CUX1: variants seen among roughly 807,000 people sequenced by gnomAD.
The protein encoded by CUX1 is cut like homeobox 1, also known as protein CASP.
A neutral mutation model predicts 158.8 loss-of-function variants in CUX1; 31 were observed. That is an observed-to-expected ratio of 0.20 (90% confidence interval 0.15 to 0.26). The LOEUF (loss-of-function observed/expected upper bound fraction) is 0.26. Among genes scored for constraint, CUX1 ranks in the 10% least tolerant of loss-of-function variants. The pLI, the probability that CUX1 is intolerant of heterozygous loss-of-function variation, is 1.00. For synonymous variants in CUX1, 879 were observed against 862.1 expected (o/e 1.02, Z -0.34); for missense variants, 1,589 against 2,014.6 (o/e 0.79, Z 4.04).
intron 9 of CUX1, among the ~76,000 whole-genome samples, chr7:102,158,961 C>A (rs782272882): frequency 1.1e-4 from 17 of 151,878 alleles, no homozygotes; most frequent in African/African-American, 3.6e-4. Context: ...GAATTATCCT[C>A]GGAGAGTTCC....
At chr7:101,905,851 C>G (rs1802692164) in intron 1 of CUX1, among the ~76,000 whole-genome samples, 1 of 152,068 alleles carries the variant, frequency 6.6e-6, no homozygotes. Context: ...TATTTTCTTT[C>G]TTTCTTTTTA....
chr7:102,026,189 A>C lies in CUX1; in HGVS notation c.142-1909A>C, dbSNP rs543908935. Among the ~76,000 whole-genome samples, 5 of 152,104 alleles carry C rather than the reference A, an allele frequency of 3.3e-5. No homozygotes were observed. The South Asian group carries it at 1.0e-3, about 32-fold the overall frequency. Reference sequence around the variant, plus strand: ...GCAAGACCCTGTCTCAAAAAAACAAAAGCTTGCTGTACAGGCCTGTCCTGT... The same window carrying C: ...GCAAGACCCTGTCTCAAAAAAACAACAGCTTGCTGTACAGGCCTGTCCTGT... On this transcript the variant is annotated intron_variant, in intron 2 of 23. Coordinates refer to ENST00000292535, the MANE Select transcript of CUX1 (RefSeq NM_181552.4).
chr7:102,024,014 C>G (rs1487331594), intron 2 of CUX1, among the ~76,000 whole-genome samples: 1 of 152,266 alleles, frequency 6.6e-6, no homozygotes, highest in African/African-American at 2.4e-5. Context: ...TTCTGCCTTT[C>G]TGGAATGCTG....
intron 2 of CUX1, among the ~76,000 whole-genome samples, chr7:102,021,014 C>G (rs369399764): frequency 6.6e-6 from 1 of 152,098 alleles, no homozygotes; most frequent in East Asian, 1.9e-4. Context: ...AGGGCCAGGT[C>G]CCTAAGGGTC....
intron 2 of CUX1, among the ~76,000 whole-genome samples, chr7:102,020,488 C>T (rs936015250): frequency 1.3e-5 from 2 of 152,222 alleles, no homozygotes; most frequent in Non-Finnish European, 2.9e-5. Context: ...GGAAACTTAA[C>T]AGCTATCTAA....
intron 10 of CUX1, 98 bp from the exon 11 acceptor site, chr7:102,178,371 G>T (rs1554512629): frequency 1.7e-6 from 2 of 1,184,778 alleles, no homozygotes. Flanking sequence ...TCCACACACT[G>T]ACATCTGTGC....
At chr7:101,986,719 G>A (rs1814350948) in intron 2 of CUX1, among the ~76,000 whole-genome samples, 1 of 152,222 alleles carries the variant, frequency 6.6e-6, no homozygotes, top group African/African-American at 2.4e-5. Flanking sequence ...GGAGACGAGA[G>A]GAAATGGACC....
intron 1 of CUX1, among the ~76,000 whole-genome samples, chr7:101,849,648 C>T (rs924380080): frequency 6.6e-6 from 1 of 152,064 alleles, no homozygotes; most frequent in African/African-American, 2.4e-5. Flanking sequence ...CATACATATG[C>T]ATTTATCTTT....
intron 8 of CUX1, among the ~76,000 whole-genome samples, chr7:102,150,134 G>T (rs926504716): frequency 3.3e-5 from 5 of 151,842 alleles, no homozygotes; most frequent in Non-Finnish European, 1.5e-5. Context: ...CTATTGGTGG[G>T]TTTTTTTTGT....
chr7:101,822,699 G>A (rs528594764), intron 1 of CUX1, among the ~76,000 whole-genome samples: 1 of 152,198 alleles, frequency 6.6e-6, no homozygotes, highest in East Asian at 1.9e-4. Flanking sequence ...TCAGAAGTTC[G>A]AGACCAGCCT....
At chr7:101,954,852 A>C (rs1235813372) in intron 2 of CUX1, among the ~76,000 whole-genome samples, 1 of 151,742 alleles carries the variant, frequency 6.6e-6, no homozygotes, top group African/African-American at 2.4e-5. Context: ...CATTACATAG[A>C]AATATTTGAA....
intron 19 of CUX1, 104 bp downstream of exon 19, chr7:102,204,660 C>A: frequency 6.8e-7 from 1 of 1,465,538 alleles, no homozygotes; most frequent in South Asian, 1.3e-5. Context: ...GGAACTCCGC[C>A]CCAGGAGGTG....
chr7:102,201,964 C>T lies in CUX1; in HGVS notation c.2667C>T (p.Tyr889=), dbSNP rs1554519954. 6.2e-7 allele frequency: 1 copy of T among 1,614,114 alleles called. No homozygotes were observed. Among genetic ancestry groups the T allele is most frequent in the Non-Finnish European group, 8.5e-7 (1 of 1,180,022 alleles). The change falls in exon 18 of 24, where the codon TAC becomes TAT. Residue 889 remains tyrosine, a synonymous_variant. Coordinates refer to ENST00000292535, the MANE Select transcript of CUX1 (RefSeq NM_181552.4). This position sits in a 1 kb window ranked among gnomAD's most constrained non-coding sequence, Gnocchi z 5.0. ...AGTGGCCCAGCGCTGAGTCCCCATA[C>T]TCCCAGAGCTCAGAGCTGAGTCTGA... ...WKEWPSAESP[Y]SQSSELSLTG...
chr7:102,271,137 C>T (rs1411277019), intron 14 of CUX1, among the ~76,000 whole-genome samples: 11 of 152,188 alleles, frequency 7.2e-5, no homozygotes, highest in African/African-American at 2.7e-4. Flanking sequence ...CTCACTCTGG[C>T]CAGGCAAAAG....
chr7:101,886,471 G>T (rs1800240914), intron 1 of CUX1, among the ~76,000 whole-genome samples: 1 of 152,156 alleles, frequency 6.6e-6, no homozygotes. Context: ...AAAGTATTGG[G>T]ATTACAGGTG....
chr7:102,076,059 ATCT>A (rs141060987), intron 4 of CUX1, among the ~76,000 whole-genome samples: 1,564 of 143,498 alleles, frequency 0.011, 29 homozygotes, highest in African/African-American at 0.039. Context: ...CCTCTTCTTC[ATCT>A]TCCACCTTCT....
intron 2 of CUX1, among the ~76,000 whole-genome samples, chr7:102,003,923 T>C (rs896348133): frequency 6.6e-6 from 1 of 152,216 alleles, no homozygotes; most frequent in African/African-American, 2.4e-5. Context: ...GGAGGATTGC[T>C]TGAGGCCAGG....
downstream of CUX1, among the ~76,000 whole-genome samples, chr7:102,259,524 G>C (rs1257921198): frequency 3.9e-5 from 6 of 152,144 alleles, no homozygotes; most frequent in African/African-American, 1.4e-4. Context: ...GGAGGCAGAG[G>C]TTACGGTGAG....
At chr7:101,989,589 C>T (rs1350185184) in intron 2 of CUX1, among the ~76,000 whole-genome samples, 1 of 152,142 alleles carries the variant, frequency 6.6e-6, no homozygotes, top group Non-Finnish European at 1.5e-5. Context: ...TCGAAGACAC[C>T]ATGGAGGTGG....
Sources: gnomAD v4.1 joint callset for allele counts (sites outside exome capture counted in the v4.1 genomes callset) on GRCh38, gnomAD v4.1.1 for gene constraint, Gnocchi (gnomAD v3.1) non-coding constraint, MANE v1.5 for transcripts, NCBI Gene and HGNC (gene_info 2026-07-23, HGNC 2026-07-21) for gene names.